The following NAALADL2 variants were observed in gnomAD, a reference collection of about 807,000 sequenced individuals.
NAALADL2 encodes N-acetylated alpha-linked acidic dipeptidase like 2.
A neutral mutation model predicts 87.2 loss-of-function variants in NAALADL2; 76 were observed. That is an observed-to-expected ratio of 0.87 (90% CI 0.72 to 1.05). The LOEUF (loss-of-function observed/expected upper bound fraction) is 1.05. Among genes scored for constraint, NAALADL2 ranks in the 50% least tolerant of loss-of-function variants. The pLI is 0.00. For synonymous variants in NAALADL2, 354 were observed against 331.0 expected, an observed-to-expected ratio of 1.07 and a Z score of -0.75; for missense variants, 1,089 against 945.8, an observed-to-expected ratio of 1.15 and a Z score of -1.99.
intron 12 of NAALADL2, among the ~76,000 whole-genome samples, chr3:175,740,913 C>T (rs533666751): frequency 3.3e-5 from 5 of 152,238 alleles, no homozygotes; most frequent in African/African-American, 1.2e-4. Context: ...TCGGGACCCC[C>T]TTCCTGTAAC....
intron 9 of NAALADL2, among the ~76,000 whole-genome samples, chr3:175,491,235 A>G (rs1037782508): frequency 6.7e-6 from 1 of 150,062 alleles, no homozygotes; most frequent in Non-Finnish European, 1.5e-5. Flanking sequence ...TTATTGTCCT[A>G]TAAATATAAT....
intron 1 of NAALADL2, among the ~76,000 whole-genome samples, chr3:175,054,190 A>G (rs1711608211): frequency 6.6e-6 from 1 of 152,234 alleles, no homozygotes; most frequent in Admixed American, 6.5e-5. Context: ...AGTATAGGGC[A>G]TCTGGAAAAC....
rs545369718 is a variant in NAALADL2 at position 174,889,784 on chromosome 3, C to G, written c.43+30334C>G. On this transcript the variant is annotated intron_variant, in intron 1 of 13. Coordinates refer to ENST00000454872, the MANE Select transcript of NAALADL2 (RefSeq NM_207015.3). ...TTATGATTCTCTCCCTCCTTGATAC[C>G]TGTATTTGACTAAGATCAACATTCA... Among the ~76,000 whole-genome samples the G allele has an allele frequency of 2.2e-4, 33 of 152,066 alleles. No individual in the cohort carries two copies. In the South Asian group the frequency reaches 6.4e-3, roughly 30 times the overall value.
intron 1 of NAALADL2, among the ~76,000 whole-genome samples, chr3:174,910,336 C>A (rs1560352866): frequency 2.0e-5 from 3 of 151,964 alleles, no homozygotes; most frequent in Admixed American, 6.6e-5. Flanking sequence ...TTTAAAATAA[C>A]TGCATCACTT....
At chr3:174,538,575 T>C (rs2108459199) in intron 1 of NAALADL2, among the ~76,000 whole-genome samples, 1 of 152,268 alleles carries the variant, frequency 6.6e-6, no homozygotes, top group South Asian at 2.1e-4. Context: ...AGACCTTCCC[T>C]TTCTAGGTGT....
rs541006443 is a variant in NAALADL2, at chr3:175,718,617, A to G, written c.1897-18689A>G. ...TTCTGGCCTTCTTCGAGTTTTTCCA[A>G]CAGTCGGAAATTGCGAGGGACTTTT... On this transcript the variant is annotated intron_variant, in intron 11 of 13. Transcript: ENST00000454872. 492 of 1,593,212 alleles carry G rather than the reference A, an allele frequency of 3.1e-4. 9 individuals carry two copies. The South Asian group carries it at 4.9e-3, about 16-fold the overall frequency.
Position 174,557,240 on chromosome 3 carries a change from A to G in NAALADL2, c.-115+6603A>G, listed in dbSNP as rs555966572. On this transcript the variant is annotated intron_variant, in intron 2 of 3. Coordinates refer to the NAALADL2 transcript ENST00000434257. Reference sequence around the variant, plus strand: ...TTTTCTTAATCATTGACCTACACGAAATAGTTGACCTACATGCCACAAAAA... The same window carrying G: ...TTTTCTTAATCATTGACCTACACGAGATAGTTGACCTACATGCCACAAAAA... Among the ~76,000 whole-genome samples, 51 of 152,266 alleles carry G rather than the reference A, an allele frequency of 3.3e-4. 1 individual carries two copies. Among genetic ancestry groups the G allele is most frequent in the African/African-American group, 1.2e-3 (51 of 41,548 alleles).
At chr3:174,559,327 T>C (rs1422332954) in intron 2 of NAALADL2, among the ~76,000 whole-genome samples, 4 of 152,116 alleles carry the variant, frequency 2.6e-5, no homozygotes, top group African/African-American at 9.7e-5. Flanking sequence ...ACCCCCACCA[T>C]ACCATTGTGA....
chr3:174,780,366 AT>A (rs1302879018), intron 3 of NAALADL2, among the ~76,000 whole-genome samples: 1 of 152,078 alleles, frequency 6.6e-6, no homozygotes, highest in Non-Finnish European at 1.5e-5. Context: ...TGCTTATCAG[AT>A]TAAGGAGATT....
chr3:175,566,898 CG>C (rs1490809246), intron 9 of NAALADL2, among the ~76,000 whole-genome samples: 1 of 152,002 alleles, frequency 6.6e-6, no homozygotes, highest in African/African-American at 2.4e-5. Flanking sequence ...TATAATTTTA[CG>C]TAGTAGGACT....
intron 3 of NAALADL2, among the ~76,000 whole-genome samples, chr3:174,772,004 A>AT (rs5854596): frequency 0.53 from 80,570 of 151,686 alleles, 21,749 homozygotes; most frequent in Middle Eastern, 0.64. Flanking sequence ...AATCAGACAC[A>AT]TTTTTTTTGT....
chr3:174,649,099 G>A (rs1224561638), intron 2 of NAALADL2, among the ~76,000 whole-genome samples: 1 of 151,962 alleles, frequency 6.6e-6, no homozygotes, highest in Non-Finnish European at 1.5e-5. Context: ...AAGTAGCTGG[G>A]ATTACAGGCT....
chr3:175,019,827 T>A (rs1353259790), intron 1 of NAALADL2, among the ~76,000 whole-genome samples: 2 of 152,102 alleles, frequency 1.3e-5, no homozygotes, highest in Non-Finnish European at 2.9e-5. Flanking sequence ...TTATGCAAAT[T>A]ATTTAGTTGC....
intron 3 of NAALADL2, among the ~76,000 whole-genome samples, chr3:174,848,386 T>A (rs1724875285): frequency 6.6e-6 from 1 of 152,146 alleles, no homozygotes; most frequent in Non-Finnish European, 1.5e-5. Flanking sequence ...TCCAACCGAG[T>A]GATAAATGAT....
chr3:174,549,735 C>T (rs566767733), intron 1 of NAALADL2, among the ~76,000 whole-genome samples: 1 of 152,142 alleles, frequency 6.6e-6, no homozygotes, highest in Non-Finnish European at 1.5e-5. Context: ...ATGTCATTGA[C>T]AACCGGGATT....
intron 5 of NAALADL2, among the ~76,000 whole-genome samples, chr3:175,339,104 C>T (rs774765007): frequency 3.5e-4 from 54 of 152,284 alleles, no homozygotes; most frequent in Non-Finnish European, 5.9e-4. Context: ...TGTGCTGGCA[C>T]GCAGTTCAAA....
intron 2 of NAALADL2, among the ~76,000 whole-genome samples, chr3:174,554,652 T>G (rs1270178023): frequency 1.3e-5 from 2 of 151,844 alleles, no homozygotes; most frequent in Non-Finnish European, 2.9e-5. Flanking sequence ...TATGTACATT[T>G]GTGAGGGTGT....
intron 1 of NAALADL2, among the ~76,000 whole-genome samples, chr3:174,890,760 G>A (rs1185490205): frequency 6.6e-6 from 1 of 152,254 alleles, no homozygotes; most frequent in South Asian, 2.1e-4. Context: ...TTGACAGGGT[G>A]TATGTGGTCA....
intron 2 of NAALADL2, among the ~76,000 whole-genome samples, chr3:174,734,370 A>T (rs1322437011): frequency 6.6e-6 from 1 of 152,204 alleles, no homozygotes; most frequent in East Asian, 1.9e-4. Context: ...TTGAGCTGCT[A>T]TAGCAAAATC....
Sources: allele counts gnomAD v4.1 joint callset (sites outside exome capture counted in the v4.1 genomes callset), GRCh38; gene constraint gnomAD v4.1.1; transcripts MANE v1.5; gene names NCBI Gene and HGNC (gene_info 2026-07-23, HGNC 2026-07-21).